The following NDNF variants were observed in gnomAD, a reference collection of about 807,000 sequenced individuals.
The protein encoded by NDNF is neuron derived neurotrophic factor.
In NDNF, 16 loss-of-function variants were observed where a neutral mutation model predicts 42.0. The observed-to-expected ratio is 0.38, with a 90% confidence interval of 0.26 to 0.58. The LOEUF (loss-of-function observed/expected upper bound fraction) is 0.58, where lower values mean the gene tolerates loss of function less well. Among genes scored for constraint, NDNF ranks in the 20% least tolerant of loss-of-function variants. NDNF has a pLI of 0.67. For missense variants in NDNF, 616 were observed against 666.2 expected, an observed-to-expected ratio of 0.92 and a Z score of 0.83; for synonymous variants, 248 against 251.7, an observed-to-expected ratio of 0.99 and a Z score of 0.14.
At chr4:121,048,211 AAAG>A (rs1474001798) in intron 1 of NDNF, among the ~76,000 whole-genome samples, 1 of 152,216 alleles carries the variant, frequency 6.6e-6, no homozygotes, top group Non-Finnish European at 1.5e-5. Context: ...GAGGCCAAAT[AAAG>A]AAGAAAATCT....
At chr4:121,056,760 A>C (rs1473552605) in intron 1 of NDNF, among the ~76,000 whole-genome samples, 5 of 152,228 alleles carry the variant, frequency 3.3e-5, no homozygotes, top group Admixed American at 6.5e-5. Flanking sequence ...AAGTTCAAAG[A>C]TGTTTCTGTT....
At chr4:121,038,468 A>T (rs1177478712) in intron 3 of NDNF, among the ~76,000 whole-genome samples, 1 of 152,232 alleles carries the variant, frequency 6.6e-6, no homozygotes, top group East Asian at 1.9e-4. Context: ...ATAACACAGG[A>T]ATAGTGGTAA....
intron 1 of NDNF, among the ~76,000 whole-genome samples, chr4:121,057,654 G>C (rs1021239205): frequency 3.3e-5 from 5 of 152,204 alleles, no homozygotes; most frequent in African/African-American, 4.8e-5. Flanking sequence ...AGGGAAAGGA[G>C]CTTGGAGCTC....
At chr4:121,048,887 T>C (rs1007199436) in intron 1 of NDNF, among the ~76,000 whole-genome samples, 3 of 152,162 alleles carry the variant, frequency 2.0e-5, no homozygotes, top group African/African-American at 7.2e-5. Context: ...TTTTGTTGTA[T>C]ACATGCCACA....
At chr4:121,038,413 A>C (rs767062522) in intron 3 of NDNF, among the ~76,000 whole-genome samples, 1 of 152,140 alleles carries the variant, frequency 6.6e-6, no homozygotes, top group Non-Finnish European at 1.5e-5. Flanking sequence ...AAACAAAATA[A>C]AAAAAGAATG....
At chr4:121,063,674 T>C (rs1727452350) in intron 1 of NDNF, among the ~76,000 whole-genome samples, 1 of 152,112 alleles carries the variant, frequency 6.6e-6, no homozygotes, top group Admixed American at 6.5e-5. Context: ...GAGGAGAATC[T>C]ATGCAAATGG....
At chr4:121,039,213 T>TATATAC (rs1726950446) in intron 3 of NDNF, among the ~76,000 whole-genome samples, 1 of 53,450 alleles carries the variant, frequency 1.9e-5, no homozygotes, top group African/African-American at 4.3e-5. Flanking sequence ...TATATATATA[T>TATATAC]ATATATATAT....
chr4:121,068,247 T>A (rs952423816), intron 1 of NDNF, among the ~76,000 whole-genome samples: 1 of 152,182 alleles, frequency 6.6e-6, no homozygotes, highest in Non-Finnish European at 1.5e-5. Flanking sequence ...TCACGTAATG[T>A]TACATTTGTA....
At chr4:121,051,485 C>CA (rs1166649023) in intron 1 of NDNF, among the ~76,000 whole-genome samples, 1 of 152,066 alleles carries the variant, frequency 6.6e-6, no homozygotes, top group African/African-American at 2.4e-5. Context: ...ATAAAATGGT[C>CA]AATGGTAAGC....
At chr4:121,054,907 G>A (rs2148768547) in intron 1 of NDNF, among the ~76,000 whole-genome samples, 1 of 152,288 alleles carries the variant, frequency 6.6e-6, no homozygotes. Flanking sequence ...ATGGCTCACT[G>A]CAACCTCTAC....
chr4:121,047,478 A>G (rs1485503304), intron 1 of NDNF, among the ~76,000 whole-genome samples: 4 of 152,232 alleles, frequency 2.6e-5, no homozygotes, highest in Non-Finnish European at 5.9e-5. Flanking sequence ...GGATACAAAT[A>G]CAGGTGGATC....
rs1382243489 is a variant in NDNF at position 121,037,619 on chromosome 4, T to C, written c.352A>G (p.Ile118Val). The C allele has an allele frequency of 8.1e-6, 13 of 1,599,790 alleles. 1 individual carries two copies. The Admixed American group carries it at 1.8e-4, about 23-fold the overall frequency. The change falls in exon 4 of 4, where the codon ATT becomes GTT. Residue 118 changes from isoleucine to valine, a missense_variant. Physicochemically the swap from Ile to Val is conservative, Grantham distance 29 (BLOSUM62 3). Transcript: ENST00000379692. Reference sequence around the variant, plus strand: ...AATAACTCAGTGCCTTCCTCATTAATGATCTGCTGCTTCTGCTGCTCAAGA... The same window carrying C: ...AATAACTCAGTGCCTTCCTCATTAACGATCTGCTGCTTCTGCTGCTCAAGA... ...EPLEQQKQQI[I>V]NEEGTELFSY...
chr4:121,037,357 A>G lies in NDNF; in HGVS notation c.614T>C (p.Leu205Pro). The G allele has an allele frequency of 6.2e-7, 1 of 1,614,148 alleles. No homozygotes were observed. Among genetic ancestry groups the G allele is most frequent in the South Asian group, 1.1e-5 (1 of 91,078 alleles). Residue 205 changes from leucine (L) to proline (P), a missense_variant, in exon 4 of 4, where the codon CTG becomes CCG. Transcript: ENST00000379692. Reference sequence around the variant, plus strand: ...CACACAGTACTGAATGGGTTGTTTCAGCAAAGAGGCAGTGGGGCTTGGTTT... The same window carrying G: ...CACACAGTACTGAATGGGTTGTTTCGGCAAAGAGGCAGTGGGGCTTGGTTT... The part of the protein sequence containing the change: ...AWKPSPTASL[L>P]KQPIQYCVVI...
intron 2 of NDNF, among the ~76,000 whole-genome samples, chr4:121,041,886 G>A (rs1727004641): frequency 6.6e-6 from 1 of 152,164 alleles, no homozygotes; most frequent in South Asian, 2.1e-4. Flanking sequence ...GAAGTACTTT[G>A]TGGTTTGAGC....
intron 1 of NDNF, among the ~76,000 whole-genome samples, chr4:121,064,474 A>C (rs2175398): frequency 0.85 from 128,764 of 152,120 alleles, 54,749 homozygotes; most frequent in Non-Finnish European, 0.88. Flanking sequence ...TATACATAAA[A>C]AATGTTGGAT....
chr4:121,047,014 C>T (rs1385429299), intron 1 of NDNF, among the ~76,000 whole-genome samples: 1 of 152,054 alleles, frequency 6.6e-6, no homozygotes, highest in Non-Finnish European at 1.5e-5. Flanking sequence ...AGTGTTTTTA[C>T]ATTGAGGTAC....
At chr4:121,051,747 A>G (rs533253709) in intron 1 of NDNF, among the ~76,000 whole-genome samples, 1 of 152,360 alleles carries the variant, frequency 6.6e-6, no homozygotes, top group African/African-American at 2.4e-5. Flanking sequence ...TTGTATGAAC[A>G]GTGATAAGAA....
At chr4:121,054,371 C>T (rs1727249647) in intron 1 of NDNF, among the ~76,000 whole-genome samples, 1 of 152,158 alleles carries the variant, frequency 6.6e-6, no homozygotes, top group African/African-American at 2.4e-5. Flanking sequence ...ATTTTTGCTA[C>T]ATGCCAGGTA....
At chr4:121,042,836 T>C (rs1176442400) in intron 2 of NDNF, among the ~76,000 whole-genome samples, 1 of 152,192 alleles carries the variant, frequency 6.6e-6, no homozygotes, top group Non-Finnish European at 1.5e-5. Flanking sequence ...TTACCTTCTG[T>C]TCTCATTTCA....
Sources: allele counts gnomAD v4.1 joint callset (sites outside exome capture counted in the v4.1 genomes callset), GRCh38; gene constraint gnomAD v4.1.1; transcripts MANE v1.5; gene names NCBI Gene and HGNC (gene_info 2026-07-23, HGNC 2026-07-21).